Variants in INPP4B observed in about 807,000 individuals in gnomAD.
INPP4B encodes the protein inositol polyphosphate-4-phosphatase type II B.
Under a neutral mutation model 122.5 loss-of-function variants are expected in INPP4B, and 55 were observed. The ratio of observed to expected loss-of-function variants is 0.45; its 90% CI spans 0.36 to 0.56. The LOEUF (loss-of-function observed/expected upper bound fraction) is 0.56, where lower values mean the gene tolerates loss of function less well. Among genes scored for constraint, INPP4B ranks in the 20% least tolerant of loss-of-function variants. The pLI, the probability that INPP4B is intolerant of heterozygous loss-of-function variation, is 0.00. For missense variants in INPP4B, 1,000 were observed against 1,097.7 expected (o/e 0.91, Z 1.26); for synonymous variants, 403 against 388.7 (o/e 1.04, Z -0.43).
rs962465533 is a variant in INPP4B, at chr4:142,027,667, G to A, written c.*1115C>T. ...GCAACTATCTCCTGAGTGATTGGGG[G>A]TGATTAACCTTACCCATGTTTGAAT... On this transcript the variant is annotated 3_prime_UTR_variant, in exon 26 of 26. Coordinates refer to ENST00000262992, the MANE Select transcript of INPP4B (RefSeq NM_001101669.3). The A allele has an allele frequency of 2.6e-5, 4 of 152,290 alleles. No individual in the cohort carries two copies. The highest frequency in any genetic ancestry group is 2.1e-4 in the South Asian group (1 of 4,822). The allele number at this position is 152,290 out of a possible 1,614,324, so 9.4% of individuals were successfully genotyped here.
intron 25 of INPP4B, among the ~76,000 whole-genome samples, chr4:142,043,952 C>T (rs1056049693): frequency 2.0e-5 from 3 of 151,356 alleles, no homozygotes; most frequent in Non-Finnish European, 3.0e-5. Flanking sequence ...TAGTAGGCTA[C>T]TACAATAGTA....
chr4:142,024,696 G>T lies in INPP4B; in HGVS notation c.*4086C>A, dbSNP rs1431744573. 1 of 152,096 alleles carries T rather than the reference G, an allele frequency of 6.6e-6. No individual in the cohort carries two copies. The highest frequency in any genetic ancestry group is 1.5e-5 in the Non-Finnish European group (1 of 68,004). 9.4% of individuals were successfully genotyped at this position (152,096 alleles called of 1,614,324 possible). On this transcript the variant is annotated 3_prime_UTR_variant, in exon 26 of 26. Transcript: ENST00000262992. ...GGTTTCAATTGAGCTATATTTATTA[G>T]AATCTGGGCACAGTAATATGTTACT...
At chr4:142,625,621 G>T (rs564561338) in intron 2 of INPP4B, among the ~76,000 whole-genome samples, 1 of 151,788 alleles carries the variant, frequency 6.6e-6, no homozygotes, top group Non-Finnish European at 1.5e-5. Context: ...TCACAGAATT[G>T]GAAAAAACTA....
intron 5 of INPP4B, among the ~76,000 whole-genome samples, chr4:142,416,470 A>G (rs1215314097): frequency 2.0e-5 from 3 of 152,146 alleles, no homozygotes; most frequent in Non-Finnish European, 4.4e-5. Context: ...AAAATTATTT[A>G]AGTAATTTTT....
intron 1 of INPP4B, among the ~76,000 whole-genome samples, chr4:142,824,020 T>A (rs1412803555): frequency 6.6e-6 from 1 of 152,066 alleles, no homozygotes; most frequent in Non-Finnish European, 1.5e-5. Context: ...TGAGAGGAAA[T>A]ACACAGTCAT....
At chr4:142,452,444 G>T (rs1814502697) in intron 3 of INPP4B, among the ~76,000 whole-genome samples, 1 of 152,162 alleles carries the variant, frequency 6.6e-6, no homozygotes, top group Non-Finnish European at 1.5e-5. Context: ...AGTGAAGATG[G>T]GAACACATGC....
intron 12 of INPP4B, among the ~76,000 whole-genome samples, chr4:142,235,908 G>C (rs998188058): frequency 2.6e-5 from 4 of 152,088 alleles, no homozygotes; most frequent in African/African-American, 9.7e-5. Context: ...TCTTTTCTTT[G>C]TGTGGTGAAC....
At chr4:142,050,728 T>G (rs908096434) in intron 25 of INPP4B, among the ~76,000 whole-genome samples, 2 of 152,068 alleles carry the variant, frequency 1.3e-5, no homozygotes, top group African/African-American at 4.8e-5. Flanking sequence ...CAAACAAACA[T>G]GAACATGTAC....
chr4:142,036,803 C>T (rs2152307238), intron 25 of INPP4B, among the ~76,000 whole-genome samples: 1 of 152,226 alleles, frequency 6.6e-6, no homozygotes, highest in South Asian at 2.1e-4. Context: ...GCAACATGGC[C>T]TAGGAGGCTG....
intron 25 of INPP4B, among the ~76,000 whole-genome samples, chr4:142,041,319 A>T (rs181991176): frequency 2.0e-5 from 3 of 152,130 alleles, no homozygotes; most frequent in East Asian, 3.9e-4. Flanking sequence ...AATAAATAAA[A>T]AATTTAATAT....
In INPP4B at chr4:142,806,003, G is replaced by A. The variant is rs924888537; in HGVS notation, c.-254+40206C>T. Among the ~76,000 whole-genome samples, 6 of 152,204 alleles carry A rather than the reference G, an allele frequency of 3.9e-5. No homozygotes were observed. In the East Asian group the frequency reaches 5.8e-4, roughly 15 times the overall value. On this transcript the variant is annotated intron_variant, in intron 1 of 25. Transcript: ENST00000262992. Reference sequence around the variant, plus strand: ...TTAAAAATAGAGGAAAAAAGAGGCCGGGTGCAGTAGCTCACGCCTGTAATC... The same window carrying A: ...TTAAAAATAGAGGAAAAAAGAGGCCAGGTGCAGTAGCTCACGCCTGTAATC...
intron 12 of INPP4B, among the ~76,000 whole-genome samples, chr4:142,231,164 G>A (rs1229568772): frequency 1.3e-5 from 2 of 152,194 alleles, no homozygotes; most frequent in East Asian, 3.8e-4. Context: ...GTGAGACTAA[G>A]AGACTAACAG....
chr4:142,718,195 A>G (rs533370207), intron 2 of INPP4B, among the ~76,000 whole-genome samples: 305 of 152,334 alleles, frequency 2.0e-3, no homozygotes, highest in Non-Finnish European at 3.5e-3. Context: ...GTTTGAATTT[A>G]TGAAATAGCC....
intron 2 of INPP4B, among the ~76,000 whole-genome samples, chr4:142,621,793 G>A (rs1365551260): frequency 6.6e-6 from 1 of 151,068 alleles, no homozygotes; most frequent in African/African-American, 2.4e-5. Context: ...AAAATATTAT[G>A]TAATAAAATA....
intron 2 of INPP4B, among the ~76,000 whole-genome samples, chr4:142,697,914 C>G (rs963700306): frequency 2.6e-5 from 4 of 152,060 alleles, no homozygotes; most frequent in South Asian, 2.1e-4. Flanking sequence ...CAGATAAACT[C>G]AGAGTTTTAA....
At chr4:142,505,558 GCAA>G (rs33982663) in intron 2 of INPP4B, among the ~76,000 whole-genome samples, 25,032 of 151,926 alleles carry the variant, frequency 0.16, 2,212 homozygotes, top group East Asian at 0.3. Context: ...AAAATAAAAT[GCAA>G]CAATGTAATT....
chr4:142,593,666 G>C (rs1305953421), intron 2 of INPP4B, among the ~76,000 whole-genome samples: 1 of 151,980 alleles, frequency 6.6e-6, no homozygotes, highest in African/African-American at 2.4e-5. Context: ...CTAGAATACA[G>C]CATGCTTTCC....
intron 2 of INPP4B, among the ~76,000 whole-genome samples, chr4:142,688,780 C>T (rs1394015436): frequency 6.6e-6 from 1 of 152,198 alleles, no homozygotes; most frequent in African/African-American, 2.4e-5. Context: ...ACTCATGCAG[C>T]TGGAGGCTGC....
chr4:142,457,772 G>A (rs1052609164), intron 3 of INPP4B, among the ~76,000 whole-genome samples: 1 of 151,996 alleles, frequency 6.6e-6, no homozygotes, highest in African/African-American at 2.4e-5. Context: ...GTTTGTTTTT[G>A]TTTTTTAAAG....
Sources: gnomAD v4.1 joint callset for allele counts (sites outside exome capture counted in the v4.1 genomes callset) on GRCh38, gnomAD v4.1.1 for gene constraint, MANE v1.5 for transcripts, NCBI Gene and HGNC (gene_info 2026-07-23, HGNC 2026-07-21) for gene names.